Variants in PRAMEF20 observed in about 807,000 individuals in gnomAD.
The protein encoded by PRAMEF20 is PRAME family member 20.
Under a neutral mutation model 32.4 loss-of-function variants are expected in PRAMEF20, and 27 were observed. That is an observed-to-expected ratio of 0.83 (90% CI 0.61 to 1.15). The LOEUF (loss-of-function observed/expected upper bound fraction) is 1.15. PRAMEF20 is among the 50% of genes most tolerant of loss of function. The pLI is 0.00. For synonymous variants in PRAMEF20, 256 were observed against 235.4 expected (o/e 1.09, Z -0.80); for missense variants, 604 against 584.5 (o/e 1.03, Z -0.34).
At chr1:13,414,731 C>G (rs2100430286), upstream of PRAMEF20, among the ~76,000 whole-genome samples, 1 of 151,898 alleles carries the variant, frequency 6.6e-6, no homozygotes, top group Admixed American at 6.6e-5. Context: ...TCTCAAAGTG[C>G]TGGGATAACA....
upstream of PRAMEF20, among the ~76,000 whole-genome samples, chr1:13,414,711 C>T (rs1217289106): frequency 6.6e-6 from 1 of 151,850 alleles, no homozygotes; most frequent in Non-Finnish European, 1.5e-5. Context: ...GTGATACACC[C>T]GCTGCAGCCT....
intron 2 of PRAMEF20, among the ~76,000 whole-genome samples, chr1:13,420,292 C>T (rs2100438968): frequency 6.6e-6 from 1 of 152,306 alleles, no homozygotes. Flanking sequence ...CTCACTGCAA[C>T]TTCCATCTCC....
upstream of PRAMEF20, among the ~76,000 whole-genome samples, chr1:13,412,787 G>C (rs954320446): frequency 2.0e-5 from 3 of 151,338 alleles, no homozygotes; most frequent in Non-Finnish European, 4.4e-5. Flanking sequence ...ACATGGGTGC[G>C]GGGGTGCATG....
At chr1:13,420,857 C>G in exon 3 of PRAMEF20, 1 of 1,613,902 alleles carries the variant, frequency 6.2e-7, no homozygotes, top group Non-Finnish European at 8.5e-7. Flanking sequence ...GCTCCAAGTT[C>G]TCCTAGAAAA....
chr1:13,416,319 T>C (rs1396881168), upstream of PRAMEF20: 1 of 1,612,106 alleles, frequency 6.2e-7, no homozygotes, highest in East Asian at 2.2e-5. Context: ...TTCTCTGGAT[T>C]TGTCCTCTGG....
upstream of PRAMEF20, among the ~76,000 whole-genome samples, chr1:13,411,888 C>T (rs1641117667): frequency 6.6e-6 from 1 of 152,112 alleles, no homozygotes; most frequent in Non-Finnish European, 1.5e-5. Flanking sequence ...TTGAGACTTG[C>T]TTATGTCCCA....
intron 2 of PRAMEF20, 103 bp from the exon 4 acceptor site, chr1:13,420,594 C>A: frequency 1.3e-6 from 2 of 1,524,922 alleles, no homozygotes; most frequent in Non-Finnish European, 1.8e-6. Flanking sequence ...TGACCCTGGG[C>A]TTGGGCAAAA....
At chr1:13,413,243 C>T (rs1054907393), upstream of PRAMEF20, among the ~76,000 whole-genome samples, 2 of 152,188 alleles carry the variant, frequency 1.3e-5, no homozygotes, top group Non-Finnish European at 2.9e-5. Flanking sequence ...ATACCTAAAT[C>T]TTTCACTTTC....
intron 2 of PRAMEF20, 44 bp from the exon 4 acceptor site, chr1:13,420,653 C>T (rs1260609421): frequency 6.2e-6 from 10 of 1,613,166 alleles, no homozygotes; most frequent in Non-Finnish European, 8.5e-6. Context: ...CCTCCACTCA[C>T]CCCTACGATT....
chr1:13,418,108 C>T lies in PRAMEF20; in HGVS notation c.288-14C>T, dbSNP rs2100435726. 1.9e-6 allele frequency: 3 copies of T among 1,611,972 alleles called. No homozygotes were observed. The highest frequency in any genetic ancestry group is 2.2e-5 in the East Asian group (1 of 44,850). On this transcript the variant is annotated splice_polypyrimidine_tract_variant and intron_variant, in intron 1 of 2. Transcript: ENST00000602960. ...AGTCCTTAAATTCTCAGCCTCTCTT[C>T]TATTTTTCCTCAGGAGGTGGAAACT...
intron 1 of PRAMEF20, 38 bp from the exon 3 acceptor site, chr1:13,418,084 G>A: frequency 6.2e-7 from 1 of 1,611,790 alleles, no homozygotes; most frequent in Non-Finnish European, 8.5e-7. Flanking sequence ...TCAGAAGTGA[G>A]TCCTTAAATT....
chr1:13,411,596 T>G (rs1321863355), upstream of PRAMEF20, among the ~76,000 whole-genome samples: 3 of 152,188 alleles, frequency 2.0e-5, no homozygotes, highest in African/African-American at 7.2e-5. Context: ...AGTTTAAAAA[T>G]GCACATGAGA....
At position 13,416,651 on chromosome 1, in the gene PRAMEF20, C is replaced by G. The variant is rs772800878; in HGVS notation, c.287+10C>G. ...ACAGGGTTCGTCTCAGGTGAGGTGG[C>G]CCAAGTGGGCTGGTGGGGAGGGCCC... On this transcript the variant is annotated intron_variant, in intron 1 of 2. Transcript: ENST00000602960. 1 of 1,613,968 alleles carries G rather than the reference C, an allele frequency of 6.2e-7. No homozygotes were observed. Among genetic ancestry groups the G allele is most frequent in the Non-Finnish European group, 8.5e-7 (1 of 1,179,944 alleles).
chr1:13,417,980 T>C (rs1641200547), intron 1 of PRAMEF20, 142 bp from the exon 3 acceptor site: 1 of 1,239,326 alleles, frequency 8.1e-7, no homozygotes, highest in Admixed American at 1.9e-5. Context: ...TTCACCATGC[T>C]AGCCAGGATG....
Position 13,418,285 on chromosome 1 carries a change from A to G in PRAMEF20, c.451A>G (p.Ile151Val), listed in dbSNP as rs987352013. ...AGGACAGCAGCCCTTGACTGTGTTCATAGACCTTTGCCTCAAGAACAGGAC... is the reference window on the plus strand; with the variant it reads ...AGGACAGCAGCCCTTGACTGTGTTCGTAGACCTTTGCCTCAAGAACAGGAC... The change falls in exon 2 of 3, where the codon ATA becomes GTA. Residue 151 changes from isoleucine to valine, a missense_variant. By Grantham distance (29) the Ile-to-Val change is conservative. Transcript: ENST00000602960. 1,018 of 1,613,930 alleles carry G rather than the reference A, an allele frequency of 6.3e-4. 16 individuals are homozygous for G. The South Asian group carries it at 0.011, about 17-fold the overall frequency.
At chr1:13,412,621 C>T (rs866427139), upstream of PRAMEF20, among the ~76,000 whole-genome samples, 1,428 of 151,874 alleles carry the variant, frequency 9.4e-3, 21 homozygotes, top group African/African-American at 0.032. Flanking sequence ...CCACCCTGCC[C>T]GGCTCCCACC....
chr1:13,416,238 A>C, upstream of PRAMEF20: 6 of 1,574,876 alleles, frequency 3.8e-6, no homozygotes, highest in South Asian at 5.5e-5. Context: ...GGGCTCTTTC[A>C]CCATTGCCAG....
chr1:13,418,487 T>C, exon 2 of PRAMEF20: 1 of 1,613,944 alleles, frequency 6.2e-7, no homozygotes, highest in South Asian at 1.1e-5. Context: ...AATTGGACAC[T>C]GCCCGTCCTG....
upstream of PRAMEF20, among the ~76,000 whole-genome samples, chr1:13,415,938 T>C (rs1357156104): frequency 6.6e-6 from 1 of 152,188 alleles, no homozygotes; most frequent in Non-Finnish European, 1.5e-5. Flanking sequence ...CCCATGAATG[T>C]TCCCAACCAG....
Sources: allele counts gnomAD v4.1 joint callset (sites outside exome capture counted in the v4.1 genomes callset), GRCh38; gene constraint gnomAD v4.1.1; transcripts MANE v1.5; gene names NCBI Gene and HGNC (gene_info 2026-07-23, HGNC 2026-07-21).